PLCH2: variants seen among roughly 807,000 people sequenced by gnomAD.
PLCH2 encodes the protein phospholipase C eta 2, also known as 1-phosphatidylinositol 4,5-bisphosphate phosphodiesterase eta-2.
In PLCH2, 98 loss-of-function variants were observed where a neutral mutation model predicts 134.7. The ratio of observed to expected loss-of-function variants is 0.73; its 90% CI spans 0.62 to 0.86. The LOEUF is 0.86. Among genes scored for constraint, PLCH2 ranks in the 40% least tolerant of loss-of-function variants. The pLI is 0.00. For missense variants in PLCH2, 1,994 were observed against 1,986.6 expected (o/e 1.00, Z -0.07); for synonymous variants, 974 against 827.5 (o/e 1.18, Z -3.04).
intron 2 of PLCH2, among the ~76,000 whole-genome samples, chr1:2,459,435 TC>T (rs1640671898): frequency 1.3e-5 from 1 of 76,158 alleles, no homozygotes; most frequent in African/African-American, 5.8e-5. Flanking sequence ...CCGGTGGTCC[TC>T]CTTGCCGGTG....
At chr1:2,466,371 AG>A (rs1641057042), upstream of PLCH2, among the ~76,000 whole-genome samples, 1 of 152,242 alleles carries the variant, frequency 6.6e-6, no homozygotes, top group African/African-American at 2.4e-5. Context: ...AGGCCACCTG[AG>A]TGGTGGTAAA....
At chr1:2,458,504 T>A (rs969598365) in intron 2 of PLCH2, among the ~76,000 whole-genome samples, 1 of 152,138 alleles carries the variant, frequency 6.6e-6, no homozygotes, top group African/African-American at 2.4e-5. Context: ...GGTGCCAGGC[T>A]GGCCCGAGTG....
At chr1:2,434,734 C>G (rs1265643936) in intron 2 of PLCH2, among the ~76,000 whole-genome samples, 1 of 152,246 alleles carries the variant, frequency 6.6e-6, no homozygotes, top group Non-Finnish European at 1.5e-5. Flanking sequence ...TGGGGAGAGC[C>G]TCGCCGGTTG....
intron 2 of PLCH2, among the ~76,000 whole-genome samples, chr1:2,431,316 T>C (rs1639059959): frequency 7.2e-6 from 1 of 139,396 alleles, no homozygotes; most frequent in Admixed American, 7.2e-5. Flanking sequence ...GCCTACATGG[T>C]GTGTGCCCAA....
the PLCH2 span, among the ~76,000 whole-genome samples, chr1:2,416,063 A>G: frequency 1.3e-3 from 193 of 152,308 alleles, 4 homozygotes; most frequent in African/African-American, 4.3e-3. Context: ...GCAGCCCCGC[A>G]GGTGATCTGA....
intron 2 of PLCH2, among the ~76,000 whole-genome samples, chr1:2,434,418 C>T (rs1329725294): frequency 6.6e-6 from 1 of 152,268 alleles, no homozygotes; most frequent in Non-Finnish European, 1.5e-5. Context: ...GCGTATTTCC[C>T]CCACGCACAG....
intron 4 of PLCH2, 66 bp from the exon 5 acceptor site, chr1:2,484,382 G>A: frequency 6.6e-7 from 1 of 1,516,800 alleles, no homozygotes; most frequent in South Asian, 1.2e-5. Flanking sequence ...GGGTGGTCCT[G>A]AAGGACCCCT....
chr1:2,435,152 G>C (rs966990569), intron 2 of PLCH2, among the ~76,000 whole-genome samples: 1 of 152,164 alleles, frequency 6.6e-6, no homozygotes, highest in African/African-American at 2.4e-5. Flanking sequence ...GCTGGGAGGA[G>C]GAGTGGAGCT....
intron 11 of PLCH2, among the ~76,000 whole-genome samples, chr1:2,492,764 C>T (rs570350544): frequency 6.6e-6 from 1 of 152,256 alleles, no homozygotes; most frequent in Admixed American, 6.5e-5. Flanking sequence ...TGGCAAATCC[C>T]ACTGAGGGAC....
chr1:2,466,851 C>G (rs908941029), upstream of PLCH2, among the ~76,000 whole-genome samples: 1 of 152,126 alleles, frequency 6.6e-6, no homozygotes, highest in Non-Finnish European at 1.5e-5. Context: ...GGCAGGGAGG[C>G]GAGGGGCTGG....
At chr1:2,419,934 A>G in the PLCH2 span, among the ~76,000 whole-genome samples, 1 of 151,686 alleles carries the variant, frequency 6.6e-6, no homozygotes, top group Non-Finnish European at 1.5e-5. Context: ...GCTCTTGCCA[A>G]CTCAAAGTTC....
intron 1 of PLCH2, among the ~76,000 whole-genome samples, chr1:2,470,346 G>A (rs1256311872): frequency 1.3e-5 from 2 of 152,188 alleles, no homozygotes; most frequent in African/African-American, 2.4e-5. Flanking sequence ...GGGAGACAGG[G>A]CAGCCAGCCC....
At chr1:2,453,436 G>A (rs1159856374) in intron 2 of PLCH2, among the ~76,000 whole-genome samples, 1 of 152,196 alleles carries the variant, frequency 6.6e-6, no homozygotes, top group Non-Finnish European at 1.5e-5. Flanking sequence ...GGGAGCGTCT[G>A]TGCACACCGC....
intron 2 of PLCH2, among the ~76,000 whole-genome samples, chr1:2,436,112 C>CCCCTCCTCCCTTCCTCCCTGCT (rs1639336466): frequency 8.1e-6 from 1 of 123,928 alleles, no homozygotes; most frequent in African/African-American, 3.3e-5. Context: ...CCTTCCTCCT[C>CCCCTCCTCCCTTCCTCCCTGCT]CCCTCCTCCC....
rs1641777768 is a variant in PLCH2, at chr1:2,478,638, G to A, written c.271+16G>A. On this transcript the variant is annotated intron_variant, in intron 2 of 21. Coordinates refer to ENST00000378486, the MANE Select transcript of PLCH2 (RefSeq NM_014638.4). Reference sequence around the variant, plus strand: ...AAGGCCAAGAGTGAGTGGGAGCCCTGGGGTGGGGACAAATCAGAGTCCCTG... The same window carrying A: ...AAGGCCAAGAGTGAGTGGGAGCCCTAGGGTGGGGACAAATCAGAGTCCCTG... 6.3e-7 allele frequency: 1 copy of A among 1,598,958 alleles called. No homozygotes were observed. The highest frequency in any genetic ancestry group is 1.3e-5 in the African/African-American group (1 of 74,688).
rs78466979 is a variant in PLCH2, at chr1:2,477,146, G to A, written c.124+434G>A. On this transcript the variant is annotated intron_variant, in intron 1 of 21. Coordinates refer to ENST00000378486, the MANE Select transcript of PLCH2 (RefSeq NM_014638.4). Reference sequence around the variant, plus strand: ...CTGGCTGGGTATGGCTGGGAGGGTGGAGTGTGTGTCTTGTGGTGGCCTGTG... The same window carrying A: ...CTGGCTGGGTATGGCTGGGAGGGTGAAGTGTGTGTCTTGTGGTGGCCTGTG... Among the ~76,000 whole-genome samples the A allele has an allele frequency of 7.3e-3, 1,119 of 152,254 alleles. 20 individuals carry two copies. Among genetic ancestry groups the A allele is most frequent in the African/African-American group, 0.025 (1,057 of 41,530 alleles).
intron 1 of PLCH2, among the ~76,000 whole-genome samples, chr1:2,426,963 G>T (rs80070249): frequency 6.6e-6 from 1 of 152,236 alleles, no homozygotes; most frequent in Non-Finnish European, 1.5e-5. Context: ...GGGGCCTTGG[G>T]CTGGGAGAGT....
Position 2,483,805 on chromosome 1 carries a change from G to A in PLCH2, c.646-643G>A, listed in dbSNP as rs373050203. Among the ~76,000 whole-genome samples, 16 of 126,394 alleles carry A rather than the reference G, an allele frequency of 1.3e-4. 1 individual carries two copies. Among genetic ancestry groups the A allele is most frequent in the South Asian group, 2.6e-4 (1 of 3,920 alleles). The allele number at this position is 126,394 out of a possible 152,430, so 82.9% of individuals were successfully genotyped here. ...CCCGTTTGGGGGGGCGCTGACCCCC[G>A]TGTGGGGGTGGCGCTGACCCCCGTG... On this transcript the variant is annotated intron_variant, in intron 4 of 21. Transcript: ENST00000378486.
chr1:2,479,328 C>T (rs1174011223), intron 2 of PLCH2: 9 of 179,424 alleles, frequency 5.0e-5, no homozygotes, highest in East Asian at 1.4e-4. Context: ...CACCTGAGCG[C>T]GGAGCTGGGG....
Sources: allele counts gnomAD v4.1 joint callset (sites outside exome capture counted in the v4.1 genomes callset), GRCh38; gene constraint gnomAD v4.1.1; transcripts MANE v1.5; gene names NCBI Gene and HGNC (gene_info 2026-07-23, HGNC 2026-07-21).